Variants in LCORL observed in about 807,000 individuals in gnomAD.
LCORL encodes the protein ligand dependent nuclear receptor corepressor like.
A neutral mutation model predicts 141.8 loss-of-function variants in LCORL; 41 were observed. The observed-to-expected ratio is 0.29, with a 90% CI of 0.23 to 0.38. LCORL has a LOEUF of 0.38. LCORL is among the 10% of genes least tolerant of loss of function. The probability of loss-of-function intolerance (pLI) is 1.00; values close to 1 mark genes in which losing one functional copy is unlikely to be tolerated. For synonymous variants in LCORL, 618 were observed against 694.1 expected, an observed-to-expected ratio of 0.89 and a Z score of 1.72; for missense variants, 1,759 against 2,035.0, an observed-to-expected ratio of 0.86 and a Z score of 2.61.
rs957510079 is a variant in LCORL, at chr4:17,902,988, A to C, written c.682+6106T>G. Among the ~76,000 whole-genome samples, 27 of 152,234 alleles carry C rather than the reference A, an allele frequency of 1.8e-4. No homozygotes were observed. The East Asian group carries it at 4.8e-3, about 27-fold the overall frequency. On this transcript the variant is annotated intron_variant, in intron 5 of 7. Coordinates refer to ENST00000635767, the Ensembl canonical transcript of LCORL. ...ATCATGACACAATGTTCCACATGGC[A>C]TTTTAAAAAGTATTAAAAAGTATAT...
chr4:17,955,808 AG>A (rs1212195052), intron 4 of LCORL, among the ~76,000 whole-genome samples: 4 of 152,116 alleles, frequency 2.6e-5, no homozygotes, highest in African/African-American at 9.7e-5. Flanking sequence ...GAGGAAAGGG[AG>A]TTAAGATCTT....
chr4:17,844,868 T>C (rs540841079), exon 8 of LCORL: 1 of 152,214 alleles, frequency 6.6e-6, no homozygotes, highest in South Asian at 2.1e-4. Context: ...GCACCAAACC[T>C]TTAGTATTCT....
intron 1 of LCORL, among the ~76,000 whole-genome samples, chr4:18,011,562 A>G (rs2109874199): frequency 6.6e-6 from 1 of 152,292 alleles, no homozygotes; most frequent in South Asian, 2.1e-4. Flanking sequence ...TTTTCAGAAT[A>G]TATCATTATT....
chr4:17,990,568 C>A (rs1394768563), intron 1 of LCORL, among the ~76,000 whole-genome samples: 2 of 150,700 alleles, frequency 1.3e-5, no homozygotes, highest in East Asian at 3.9e-4. Context: ...CCTACTGTAT[C>A]ATGATATGCA....
intron 1 of LCORL, among the ~76,000 whole-genome samples, chr4:17,997,603 G>A (rs1473165008): frequency 6.6e-6 from 1 of 152,040 alleles, no homozygotes; most frequent in Non-Finnish European, 1.5e-5. Flanking sequence ...AGTGACAAAA[G>A]TCTTCAAATT....
chr4:17,944,805 T>C (rs1233150950), intron 4 of LCORL, among the ~76,000 whole-genome samples: 4 of 152,178 alleles, frequency 2.6e-5, no homozygotes, highest in Admixed American at 6.6e-5. Context: ...TTAGTCTATT[T>C]GGGTTGCAAT....
chr4:17,935,142 G>A (rs893904150), intron 4 of LCORL, among the ~76,000 whole-genome samples: 1 of 152,182 alleles, frequency 6.6e-6, no homozygotes, highest in African/African-American at 2.4e-5. Context: ...AGGTACAGAA[G>A]AAGAAAGAAG....
intron 1 of LCORL, among the ~76,000 whole-genome samples, chr4:18,015,688 T>A (rs1203903578): frequency 6.6e-6 from 1 of 151,636 alleles, no homozygotes; most frequent in African/African-American, 2.4e-5. Context: ...TCTAAGTAAA[T>A]CTACTCTTAT....
chr4:17,844,923 T>G lies in LCORL; in HGVS notation c.*965A>C, dbSNP rs532845379. On this transcript the variant is annotated 3_prime_UTR_variant, in exon 8 of 8. Coordinates refer to ENST00000635767, the Ensembl canonical transcript of LCORL. Reference sequence around the variant, plus strand: ...ATAGTCATGTAGCCATTGCTGAAACTGTGCTTTGCACTATTAAAGGTAGGG... The same window carrying G: ...ATAGTCATGTAGCCATTGCTGAAACGGTGCTTTGCACTATTAAAGGTAGGG... 2.6e-5 allele frequency: 4 copies of G among 152,204 alleles called. No individual in the cohort carries two copies. The East Asian group carries it at 7.7e-4, about 29-fold the overall frequency. The allele number at this position is 152,204 out of a possible 1,614,324, so 9.4% of individuals were successfully genotyped here.
rs765306029 is a variant in LCORL at position 17,909,351 on chromosome 4, G to A, written c.431-6C>T. On this transcript the variant is annotated splice_polypyrimidine_tract_variant and splice_region_variant and intron_variant, in intron 4 of 7. Transcript: ENST00000635767. The stretch of plus-strand genomic sequence containing the variant: ...ATCACAGTTCTGAGGAAGATCTAGG[G>A]AAGAAATAAATATAATAATCATTTT... 2 of 1,558,864 alleles carry A rather than the reference G, an allele frequency of 1.3e-6. No individual in the cohort carries two copies. The highest frequency in any genetic ancestry group is 1.7e-6 in the Non-Finnish European group (2 of 1,152,142).
intron 5 of LCORL, among the ~76,000 whole-genome samples, chr4:17,886,733 T>G (rs569285014): frequency 2.0e-3 from 299 of 152,180 alleles, no homozygotes; most frequent in Non-Finnish European, 3.5e-3. Flanking sequence ...TAATAAATTG[T>G]GCTTATATCT....
chr4:17,869,619 G>A (rs1005533490), intron 7 of LCORL, among the ~76,000 whole-genome samples: 2 of 151,872 alleles, frequency 1.3e-5, no homozygotes, highest in Admixed American at 1.3e-4. Context: ...TTGAGGCTCC[G>A]ACTCCCTAGG....
chr4:17,913,065 A>T (rs191914866), intron 4 of LCORL: 3 of 236,804 alleles, frequency 1.3e-5, no homozygotes, highest in Non-Finnish European at 2.5e-5. Context: ...ATTTTAAAGG[A>T]TGAGATGATG....
rs1318228565 is a variant in LCORL, at chr4:17,986,452, C to G, written c.155-13567G>C. 6.6e-5 allele frequency among the ~76,000 whole-genome samples: 10 copies of G among 152,144 alleles called. No individual in the cohort carries two copies. In the East Asian group the frequency reaches 1.9e-3, roughly 29 times the overall value. On this transcript the variant is annotated intron_variant, in intron 1 of 7. Coordinates refer to ENST00000635767, the Ensembl canonical transcript of LCORL. ...ATATTTGTTGGAGACTTTGTTCATT[C>G]CTTTTCATTCTGTTTTCTTTATTTT...
At chr4:17,887,477 C>A (rs1477691630) in intron 5 of LCORL, among the ~76,000 whole-genome samples, 1 of 152,094 alleles carries the variant, frequency 6.6e-6, no homozygotes, top group Non-Finnish European at 1.5e-5. Context: ...GGATCACCAA[C>A]TAATCAGATA....
intron 1 of LCORL, among the ~76,000 whole-genome samples, chr4:17,999,731 A>G (rs1721614912): frequency 3.3e-5 from 5 of 152,188 alleles, no homozygotes; most frequent in Admixed American, 3.3e-4. Context: ...AAATTGTTTT[A>G]AGGACACTAG....
chr4:18,017,238 C>G (rs977717443), intron 1 of LCORL, among the ~76,000 whole-genome samples: 1 of 152,058 alleles, frequency 6.6e-6, no homozygotes, highest in South Asian at 2.1e-4. Context: ...GGAAAGATTA[C>G]CTTATGTCTG....
intron 4 of LCORL, among the ~76,000 whole-genome samples, chr4:17,918,039 G>A (rs1236922910): frequency 6.6e-6 from 1 of 152,186 alleles, no homozygotes; most frequent in African/African-American, 2.4e-5. Flanking sequence ...GAGCCCCCAT[G>A]GCAAACACTG....
chr4:17,966,056 A>G (rs1274151069), intron 2 of LCORL, among the ~76,000 whole-genome samples: 2 of 152,122 alleles, frequency 1.3e-5, no homozygotes, highest in Admixed American at 6.6e-5. Flanking sequence ...ATACAACTAA[A>G]AACTGATTTT....
Sources: gnomAD v4.1 joint callset for allele counts (sites outside exome capture counted in the v4.1 genomes callset) on GRCh38, gnomAD v4.1.1 for gene constraint, MANE v1.5 for transcripts, NCBI Gene and HGNC (gene_info 2026-07-23, HGNC 2026-07-21) for gene names.